The following CLN8 variants were observed in gnomAD, a reference collection of about 807,000 sequenced individuals.
The protein encoded by CLN8 is protein CLN8.
Under a neutral mutation model 15.7 loss-of-function variants are expected in CLN8, and 14 were observed. That is an observed-to-expected ratio of 0.89 (90% CI 0.59 to 1.39). CLN8 has a LOEUF of 1.39. Ranked by LOEUF, CLN8 falls within the 40% of genes most tolerant of loss-of-function variation. CLN8 has a pLI of 0.00. For synonymous variants in CLN8, 188 were observed against 151.0 expected (o/e 1.25, Z -1.80); for missense variants, 415 against 364.0 (o/e 1.14, Z -1.14).
rs957711803 is a variant in CLN8 at position 1,766,056 on chromosome 8, C to T, written c.-124+2171C>T. 5.3e-5 allele frequency among the ~76,000 whole-genome samples: 8 copies of T among 152,306 alleles called. No homozygotes were observed. In the South Asian group the frequency reaches 8.3e-4, roughly 16 times the overall value. On this transcript the variant is annotated intron_variant, in intron 1 of 2. Transcript: ENST00000331222. Reference sequence around the variant, plus strand: ...GATGCATGACAGAGTCGAAGGGTTCCAGTGGCCACTGAGCCTGGTTCCTGG... The same window carrying T: ...GATGCATGACAGAGTCGAAGGGTTCTAGTGGCCACTGAGCCTGGTTCCTGG...
At position 1,782,692 on chromosome 8, in the gene CLN8, A is replaced by C. The variant is rs574281845; in HGVS notation, c.*2125A>C. The C allele has an allele frequency of 6.6e-6, 1 of 152,402 alleles. No individual in the cohort carries two copies. The highest frequency in any genetic ancestry group is 1.9e-4 in the East Asian group (1 of 5,194). The allele number at this position is 152,402 out of a possible 1,614,324, so 9.4% of individuals were successfully genotyped here. A position where few individuals can be genotyped will look rare whatever the true frequency, so the allele number is the denominator to read the frequency against. On this transcript the variant is annotated 3_prime_UTR_variant, in exon 3 of 3. Coordinates refer to ENST00000331222, the MANE Select transcript of CLN8 (RefSeq NM_018941.4). ...GCATAATAAAGTGACTGATGTTTACAGAACCCAAATGATGTCTTCCTCTCT... is the reference window on the plus strand; with the variant it reads ...GCATAATAAAGTGACTGATGTTTACCGAACCCAAATGATGTCTTCCTCTCT...
rs184876681 is a variant in CLN8 at position 1,779,688 on chromosome 8, G to T, written c.544-562G>T. Among the ~76,000 whole-genome samples the T allele has an allele frequency of 2.8e-4, 43 of 152,344 alleles. No individual in the cohort carries two copies. The East Asian group carries it at 5.4e-3, about 19-fold the overall frequency. ...CTGCAAGTCTGAGATCAAGGCACCA[G>T]CAGATTCATGTCTGGTGAAGACCCA... On this transcript the variant is annotated intron_variant, in intron 2 of 2. Coordinates refer to ENST00000331222, the MANE Select transcript of CLN8 (RefSeq NM_018941.4).
Position 1,771,104 on chromosome 8 carries a change from A to T in CLN8, c.50A>T (p.Asp17Val), listed in dbSNP as rs148668081. ...GGTSESIFDL[D>V]YASWGIRSTL... The stretch of plus-strand genomic sequence containing the variant: ...ACATCAGAGAGCATTTTTGACCTGG[A>T]CTATGCATCCTGGGGGATCCGCTCC... The change falls in exon 2 of 3, where the codon GAC (aspartate) becomes GTC (valine). Residue 17 changes from aspartate (D) to valine (V), a missense_variant. Transcript: ENST00000331222. 3 of 1,613,862 alleles carry T rather than the reference A, an allele frequency of 1.9e-6. No homozygotes were observed. Among genetic ancestry groups the T allele is most frequent in the African/African-American group, 1.3e-5 (1 of 74,944 alleles).
chr8:1,775,030 G>A (rs1243247815), intron 2 of CLN8, among the ~76,000 whole-genome samples: 1 of 152,070 alleles, frequency 6.6e-6, no homozygotes, highest in Non-Finnish European at 1.5e-5. Flanking sequence ...ATATATACAT[G>A]TGTGTGTATA....
chr8:1,769,999 G>A (rs977885027), intron 1 of CLN8, among the ~76,000 whole-genome samples: 2 of 152,184 alleles, frequency 1.3e-5, no homozygotes, highest in African/African-American at 2.4e-5. Flanking sequence ...TTCAGGCATC[G>A]CAGGATGAAA....
chr8:1,782,817 G>A lies in CLN8; in HGVS notation c.*2250G>A, dbSNP rs929160717. 6.6e-6 allele frequency: 1 copy of A among 152,242 alleles called. No homozygotes were observed. The highest frequency in any genetic ancestry group is 1.5e-5 in the Non-Finnish European group (1 of 68,042). The allele number at this position is 152,242 out of a possible 1,614,324, so 9.4% of individuals were successfully genotyped here. On this transcript the variant is annotated 3_prime_UTR_variant, in exon 3 of 3. Transcript: ENST00000331222. ...TCATGTGTTCAGAATTCGATTTGGA[G>A]TTGGAAGTGGACAGCCTAATTTTTA...
intron 1 of CLN8, among the ~76,000 whole-genome samples, chr8:1,764,109 CGGGAGCCCACGTGAGG>C (rs1800939462): frequency 6.7e-6 from 1 of 149,606 alleles, no homozygotes; most frequent in Non-Finnish European, 1.5e-5. Context: ...GATGGGCGCG[CGGGAGCCCACGTGAGG>C]GGGAGCCCGG....
intron 1 of CLN8, chr8:1,758,244 C>A (rs931754623): frequency 6.6e-6 from 1 of 152,174 alleles, no homozygotes. Context: ...CTCTTTATTT[C>A]TAAGGTTTAA....
intron 1 of CLN8, among the ~76,000 whole-genome samples, chr8:1,768,165 A>G (rs1801144131): frequency 2.6e-5 from 4 of 151,358 alleles, no homozygotes; most frequent in African/African-American, 9.7e-5. Context: ...GTTGGTCTTG[A>G]ACTCCTGACC....
chr8:1,766,819 A>G (rs1801081680), intron 1 of CLN8, among the ~76,000 whole-genome samples: 1 of 152,190 alleles, frequency 6.6e-6, no homozygotes, highest in African/African-American at 2.4e-5. Flanking sequence ...CCTGTGTCCC[A>G]TTTTGCGTAT....
intron 1 of CLN8, among the ~76,000 whole-genome samples, chr8:1,766,187 T>C (rs1454313792): frequency 6.6e-6 from 1 of 152,156 alleles, no homozygotes; most frequent in African/African-American, 2.4e-5. Context: ...CACAGAATCT[T>C]ATAAGACAAG....
In CLN8 at chr8:1,781,558, G is replaced by C. The variant is rs573806537; in HGVS notation, c.*991G>C. 1 of 151,502 alleles carries C rather than the reference G, an allele frequency of 6.6e-6. No individual in the cohort carries two copies. Among genetic ancestry groups the C allele is most frequent in the South Asian group, 2.1e-4 (1 of 4,816 alleles). 9.4% of individuals were successfully genotyped at this position (151,502 alleles called of 1,614,324 possible). A position where few individuals can be genotyped will look rare whatever the true frequency, so the allele number is the denominator to read the frequency against. ...AAGTTTTTTTTTTTTTTAAATCATG[G>C]TACCTGTTTTAAAATGAGAAGTTAT... On this transcript the variant is annotated 3_prime_UTR_variant, in exon 3 of 3. Coordinates refer to ENST00000331222, the MANE Select transcript of CLN8 (RefSeq NM_018941.4).
At chr8:1,765,284 G>A (rs1801005632) in intron 1 of CLN8, 1 of 152,258 alleles carries the variant, frequency 6.6e-6, no homozygotes, top group South Asian at 2.1e-4. Context: ...GTTGCTGAGA[G>A]AAGAGAAGCA....
At position 1,771,063 on chromosome 8, in the gene CLN8, T is replaced by C. The variant is rs773997032; in HGVS notation, c.9T>C (p.Pro3=). 7 of 1,614,128 alleles carry C rather than the reference T, an allele frequency of 4.3e-6. No homozygotes were observed. The highest frequency in any genetic ancestry group is 1.7e-5 in the Admixed American group (1 of 60,014). The change falls in exon 2 of 3, where the codon CCT becomes CCC. Residue 3 remains proline, a synonymous_variant. Transcript: ENST00000331222. MN[P]ASDGGTSESI... The stretch of plus-strand genomic sequence containing the variant: ...GAATATAGCTGTGGACAATGAATCC[T>C]GCGAGCGATGGGGGCACATCAGAGA...
chr8:1,769,998 C>T (rs1031311093), intron 1 of CLN8, among the ~76,000 whole-genome samples: 4 of 152,178 alleles, frequency 2.6e-5, no homozygotes, highest in Admixed American at 6.5e-5. Context: ...ATTCAGGCAT[C>T]GCAGGATGAA....
upstream of CLN8, chr8:1,755,688 C>G (rs939074669): frequency 2.0e-5 from 3 of 152,354 alleles, no homozygotes; most frequent in Non-Finnish European, 4.4e-5. Context: ...ACAATCCATC[C>G]AATCCATCGG....
rs2129015551 is a variant in CLN8 at position 1,781,204 on chromosome 8, A to C, written c.*637A>C. ...GAAACCCCATCTCTACTAAAATTACAAAAATTAGCCGGGTGTCGTGGCACA... is the reference window on the plus strand; with the variant it reads ...GAAACCCCATCTCTACTAAAATTACCAAAATTAGCCGGGTGTCGTGGCACA... On this transcript the variant is annotated 3_prime_UTR_variant, in exon 3 of 3. Coordinates refer to ENST00000331222, the MANE Select transcript of CLN8 (RefSeq NM_018941.4). The C allele has an allele frequency of 6.6e-6, 1 of 152,440 alleles. No individual in the cohort carries two copies. The highest frequency in any genetic ancestry group is 6.6e-5 in the Admixed American group (1 of 15,256). The allele number at this position is 152,440 out of a possible 1,614,324, so 9.4% of individuals were successfully genotyped here. A position where few individuals can be genotyped will look rare whatever the true frequency, so the allele number is the denominator to read the frequency against.
chr8:1,756,496 A>AG (rs397828350), intron 1 of CLN8, among the ~76,000 whole-genome samples: 3 of 151,280 alleles, frequency 2.0e-5, no homozygotes, highest in African/African-American at 7.3e-5. Context: ...AAAAAAAAAA[A>AG]GAAATTTCAC....
chr8:1,760,877 T>C (rs778833423), upstream of CLN8, among the ~76,000 whole-genome samples: 1 of 152,176 alleles, frequency 6.6e-6, no homozygotes, highest in Non-Finnish European at 1.5e-5. Flanking sequence ...AGGCATCTTG[T>C]ATCAATGTAA....
Sources: allele counts gnomAD v4.1 joint callset (sites outside exome capture counted in the v4.1 genomes callset), GRCh38; gene constraint gnomAD v4.1.1; transcripts MANE v1.5; gene names NCBI Gene and HGNC (gene_info 2026-07-23, HGNC 2026-07-21).